ACOXL: variants seen among roughly 807,000 people sequenced by gnomAD.
ACOXL encodes acyl-CoA oxidase like, also known as acyl-coenzyme A oxidase-like protein.
ACOXL carries 70 observed loss-of-function variants against 71.9 expected under a neutral mutation model. The observed-to-expected ratio is 0.97, with a 90% confidence interval of 0.80 to 1.19. The LOEUF (loss-of-function observed/expected upper bound fraction) is 1.19, where lower values mean the gene tolerates loss of function less well. Ranked by LOEUF, ACOXL falls within the 50% of genes most tolerant of loss-of-function variation. The pLI, the probability that ACOXL is intolerant of heterozygous loss-of-function variation, is 0.00. For missense variants in ACOXL, 703 were observed against 736.3 expected, an observed-to-expected ratio of 0.95 and a Z score of 0.52; for synonymous variants, 253 against 281.6, an observed-to-expected ratio of 0.90 and a Z score of 1.02.
intron 9 of ACOXL, among the ~76,000 whole-genome samples, chr2:110,808,891 G>A (rs1340341243): frequency 2.0e-5 from 3 of 152,194 alleles, no homozygotes; most frequent in Non-Finnish European, 4.4e-5. Flanking sequence ...CGCAGCTGGG[G>A]CCCTGCCAGC....
At chr2:110,740,507 A>G (rs1027470951) in intron 1 of ACOXL, among the ~76,000 whole-genome samples, 2 of 152,198 alleles carry the variant, frequency 1.3e-5, no homozygotes, top group Admixed American at 6.5e-5. Flanking sequence ...TCTTCTCCCC[A>G]TTAACATACA....
At chr2:111,065,821 C>T (rs2067042356) in intron 16 of ACOXL, among the ~76,000 whole-genome samples, 1 of 152,180 alleles carries the variant, frequency 6.6e-6, no homozygotes, top group African/African-American at 2.4e-5. Context: ...TGAACTCTTT[C>T]CCCCTAACAC....
chr2:110,869,730 C>T (rs1411121644), intron 10 of ACOXL, among the ~76,000 whole-genome samples: 1 of 152,248 alleles, frequency 6.6e-6, no homozygotes, highest in Non-Finnish European at 1.5e-5. Context: ...AGAGCCCACA[C>T]CCTGAGCCAC....
intron 1 of ACOXL, among the ~76,000 whole-genome samples, chr2:110,760,981 GA>G (rs1680329723): frequency 6.6e-6 from 1 of 152,162 alleles, no homozygotes; most frequent in African/African-American, 2.4e-5. Context: ...AAGAGTCAAG[GA>G]GAGGTGAAGC....
chr2:111,038,246 A>T (rs2065616459), intron 15 of ACOXL, among the ~76,000 whole-genome samples: 1 of 152,220 alleles, frequency 6.6e-6, no homozygotes, highest in South Asian at 2.1e-4. Flanking sequence ...AAAGAGGCAG[A>T]AGGAAGACTC....
intron 14 of ACOXL, among the ~76,000 whole-genome samples, chr2:111,026,247 C>T (rs1175986429): frequency 6.6e-6 from 1 of 152,076 alleles, no homozygotes; most frequent in Non-Finnish European, 1.5e-5. Flanking sequence ...TCTAGGTCCT[C>T]TGTATTCTTT....
chr2:110,916,987 C>T (rs897975198), intron 11 of ACOXL, among the ~76,000 whole-genome samples: 16 of 152,192 alleles, frequency 1.1e-4, no homozygotes, highest in South Asian at 2.1e-4. Flanking sequence ...TACAAAGAGG[C>T]GCTGGTACCA....
intron 12 of ACOXL, among the ~76,000 whole-genome samples, chr2:110,936,634 C>T (rs560202199): frequency 6.6e-6 from 1 of 152,084 alleles, no homozygotes; most frequent in African/African-American, 2.4e-5. Context: ...CAATAATTTG[C>T]TAGAACAGCT....
At chr2:111,090,569 A>G (rs532433855) in intron 16 of ACOXL, among the ~76,000 whole-genome samples, 1 of 152,358 alleles carries the variant, frequency 6.6e-6, no homozygotes, top group African/African-American at 2.4e-5. Flanking sequence ...TCAGGTACAC[A>G]AAAGCCACAG....
chr2:110,861,069 G>C (rs981047812), intron 10 of ACOXL, among the ~76,000 whole-genome samples: 1 of 152,186 alleles, frequency 6.6e-6, no homozygotes, highest in Non-Finnish European at 1.5e-5. Context: ...TGGAGGCGGA[G>C]GTTGCAGTGA....
At chr2:110,797,765 A>G (rs1033201151) in intron 5 of ACOXL, among the ~76,000 whole-genome samples, 1 of 152,180 alleles carries the variant, frequency 6.6e-6, no homozygotes, top group Non-Finnish European at 1.5e-5. Flanking sequence ...TGGATATTCC[A>G]TCCTTTCTTA....
chr2:111,110,538 C>T (rs2069872298), intron 17 of ACOXL, among the ~76,000 whole-genome samples: 1 of 152,172 alleles, frequency 6.6e-6, no homozygotes, highest in Non-Finnish European at 1.5e-5. Context: ...GTGTTTGTTT[C>T]TGTGCTAGGA....
intron 3 of ACOXL, among the ~76,000 whole-genome samples, chr2:110,788,065 A>C (rs1396463676): frequency 6.6e-6 from 1 of 152,242 alleles, no homozygotes; most frequent in Non-Finnish European, 1.5e-5. Context: ...ATATAAAATC[A>C]AAACGATATG....
intron 11 of ACOXL, among the ~76,000 whole-genome samples, chr2:110,914,741 A>G (rs1247393147): frequency 6.6e-6 from 1 of 152,184 alleles, no homozygotes; most frequent in Non-Finnish European, 1.5e-5. Context: ...TGGACATCCT[A>G]TATTGTTCTT....
chr2:110,803,941 G>A (rs115533229), intron 8 of ACOXL, among the ~76,000 whole-genome samples: 1,872 of 150,046 alleles, frequency 0.012, 47 homozygotes, highest in African/African-American at 0.042. Flanking sequence ...AGGAAGATAC[G>A]AATCAAAACC....
rs929457517 is a variant in ACOXL, at chr2:111,096,263, G to C, written c.1542+3297G>C. On this transcript the variant is annotated intron_variant, in intron 17 of 17. Transcript: ENST00000439055. Reference sequence around the variant, plus strand: ...TTATTATTATTATTATTGAGACAGAGTCTTGCTCTGTAGCCCAGGCTGGAG... The same window carrying C: ...TTATTATTATTATTATTGAGACAGACTCTTGCTCTGTAGCCCAGGCTGGAG... 2.8e-4 allele frequency among the ~76,000 whole-genome samples: 40 copies of C among 144,732 alleles called. No individual in the cohort carries two copies. The South Asian group carries it at 4.5e-3, about 16-fold the overall frequency. The allele number at this position is 144,732 out of a possible 152,430, so 94.9% of individuals were successfully genotyped here.
chr2:110,763,152 TG>T (rs1680623477), intron 1 of ACOXL, among the ~76,000 whole-genome samples: 2 of 152,218 alleles, frequency 1.3e-5, no homozygotes, highest in Admixed American at 6.5e-5. Flanking sequence ...ATCAAAATCT[TG>T]GCAAGTTATT....
intron 10 of ACOXL, among the ~76,000 whole-genome samples, chr2:110,851,025 C>T (rs1173087844): frequency 6.6e-6 from 1 of 152,110 alleles, no homozygotes; most frequent in Non-Finnish European, 1.5e-5. Context: ...TCAAAAGTGC[C>T]CTTACTGTGT....
At chr2:111,113,891 T>C (rs554841455) in intron 17 of ACOXL, among the ~76,000 whole-genome samples, 2 of 152,328 alleles carry the variant, frequency 1.3e-5, no homozygotes, top group African/African-American at 4.8e-5. Flanking sequence ...TGAAGTCAAC[T>C]GAAAAATAAT....
Sources: allele counts gnomAD v4.1 joint callset (sites outside exome capture counted in the v4.1 genomes callset), GRCh38; gene constraint gnomAD v4.1.1; transcripts MANE v1.5; gene names NCBI Gene and HGNC (gene_info 2026-07-23, HGNC 2026-07-21).